PLCXD3: variants seen among roughly 807,000 people sequenced by gnomAD.
The protein encoded by PLCXD3 is PI-PLC X domain-containing protein 3.
PLCXD3 carries 19 observed loss-of-function variants against 25.5 expected under a neutral mutation model. That is an observed-to-expected ratio of 0.75 (90% confidence interval 0.52 to 1.09). The LOEUF (loss-of-function observed/expected upper bound fraction) is 1.09, where lower values mean the gene tolerates loss of function less well. Among genes scored for constraint, PLCXD3 ranks in the 50% least tolerant of loss-of-function variants. The pLI, the probability that PLCXD3 is intolerant of heterozygous loss-of-function variation, is 0.00. For synonymous variants in PLCXD3, 174 were observed against 137.6 expected, an observed-to-expected ratio of 1.26 and a Z score of -1.85; for missense variants, 411 against 388.1, an observed-to-expected ratio of 1.06 and a Z score of -0.50.
intron 1 of PLCXD3, among the ~76,000 whole-genome samples, chr5:41,384,348 A>G (rs889986962): frequency 6.6e-6 from 1 of 152,138 alleles, no homozygotes; most frequent in Non-Finnish European, 1.5e-5. Context: ...AAAACTCAAT[A>G]TATACAAAGA....
At chr5:41,363,820 G>A (rs891129155) in intron 2 of PLCXD3, among the ~76,000 whole-genome samples, 6 of 152,232 alleles carry the variant, frequency 3.9e-5, no homozygotes, top group African/African-American at 1.2e-4. Context: ...GGATAAATGA[G>A]TAAATTCCCA....
intron 2 of PLCXD3, among the ~76,000 whole-genome samples, chr5:41,334,885 ATG>A (rs1743935298): frequency 6.6e-6 from 1 of 152,170 alleles, no homozygotes; most frequent in Admixed American, 6.5e-5. Context: ...CCAGCCCTTG[ATG>A]GGGGCCTCCT....
intron 2 of PLCXD3, among the ~76,000 whole-genome samples, chr5:41,364,331 G>T (rs1473056377): frequency 1.3e-5 from 2 of 152,208 alleles, no homozygotes; most frequent in Admixed American, 6.5e-5. Flanking sequence ...TACAATCAGT[G>T]TTAAGACCCC....
intron 2 of PLCXD3, among the ~76,000 whole-genome samples, chr5:41,329,089 A>T (rs1743714524): frequency 6.6e-6 from 1 of 151,952 alleles, no homozygotes; most frequent in Non-Finnish European, 1.5e-5. Flanking sequence ...GACCAGCCTA[A>T]TTTTCCCCAG....
chr5:41,421,485 A>G (rs1419677596), intron 1 of PLCXD3, among the ~76,000 whole-genome samples: 2 of 151,974 alleles, frequency 1.3e-5, no homozygotes, highest in African/African-American at 4.8e-5. Context: ...GCTGATCACA[A>G]GGTCAGGATA....
At chr5:41,332,034 C>T (rs1743829383) in intron 2 of PLCXD3, among the ~76,000 whole-genome samples, 1 of 152,156 alleles carries the variant, frequency 6.6e-6, no homozygotes, top group Non-Finnish European at 1.5e-5. Context: ...TAGGCATGAG[C>T]AAGGACTTCA....
rs142700550 is a variant in PLCXD3, at chr5:41,427,152, T to G, written c.104-44618A>C. Among the ~76,000 whole-genome samples the G allele has an allele frequency of 3.3e-4, 51 of 152,302 alleles. No individual in the cohort carries two copies. The East Asian group carries it at 6.2e-3, about 18-fold the overall frequency. On this transcript the variant is annotated intron_variant, in intron 1 of 2. Coordinates refer to ENST00000377801, the MANE Select transcript of PLCXD3 (RefSeq NM_001005473.3). ...GTTATTCAATATGACAATTCATGTT[T>G]CTAATTAAATCTGGAAAATTTTCAG...
intron 1 of PLCXD3, among the ~76,000 whole-genome samples, chr5:41,449,105 A>T (rs1415566229): frequency 1.3e-5 from 2 of 152,098 alleles, no homozygotes; most frequent in African/African-American, 4.8e-5. Flanking sequence ...ATTACATTTC[A>T]CCATTTACTC....
chr5:41,385,329 G>C (rs1745603615), intron 1 of PLCXD3, among the ~76,000 whole-genome samples: 1 of 151,898 alleles, frequency 6.6e-6, no homozygotes, highest in African/African-American at 2.4e-5. Context: ...CTCATATCTT[G>C]GACCTGGTAC....
At chr5:41,348,378 G>GTTT (rs1282014109) in intron 2 of PLCXD3, among the ~76,000 whole-genome samples, 4 of 152,086 alleles carry the variant, frequency 2.6e-5, no homozygotes, top group African/African-American at 9.7e-5. Flanking sequence ...TGTTGTTGTT[G>GTTT]TTGTCTTTGT....
rs571691059 is a variant in PLCXD3 at position 41,440,692 on chromosome 5, G to A, written c.104-58158C>T. Among the ~76,000 whole-genome samples the A allele has an allele frequency of 1.4e-4, 22 of 152,210 alleles. 1 individual carries two copies. The highest frequency in any genetic ancestry group is 5.3e-4 in the African/African-American group (22 of 41,506). On this transcript the variant is annotated intron_variant, in intron 1 of 2. Transcript: ENST00000377801. ...GTACTCTATGGGTGTTAGCTATTAT[G>A]ATTCTGATTTGGACCCTTTTCTGAT...
rs530380423 is a variant in PLCXD3, at chr5:41,413,613, A to G, written c.104-31079T>C. On this transcript the variant is annotated intron_variant, in intron 1 of 2. Coordinates refer to ENST00000377801, the MANE Select transcript of PLCXD3 (RefSeq NM_001005473.3). ...TTCCATTATTTGTTTCTAACAGTCA[A>G]TGTGCTTGAATTACAGGAGATATGG... Among the ~76,000 whole-genome samples the G allele has an allele frequency of 2.2e-4, 33 of 152,322 alleles. No homozygotes were observed. In the South Asian group the frequency reaches 6.2e-3, roughly 29 times the overall value.
chr5:41,409,053 G>A (rs1463571185), intron 1 of PLCXD3, among the ~76,000 whole-genome samples: 1 of 152,208 alleles, frequency 6.6e-6, no homozygotes, highest in Non-Finnish European at 1.5e-5. Context: ...AGTGAACCCA[G>A]TTGCTTGTGT....
At chr5:41,391,404 T>A (rs1381303972) in intron 1 of PLCXD3, among the ~76,000 whole-genome samples, 7 of 152,162 alleles carry the variant, frequency 4.6e-5, no homozygotes, top group Non-Finnish European at 1.0e-4. Flanking sequence ...GTCAGAGTCA[T>A]GAGGTCCCCA....
intron 2 of PLCXD3, among the ~76,000 whole-genome samples, chr5:41,370,740 C>G (rs16871298): frequency 0.014 from 2,094 of 152,166 alleles, 52 homozygotes; most frequent in African/African-American, 0.048. Context: ...TGCAAACAAG[C>G]CCAAGAAAAA....
At position 41,353,861 on chromosome 5, in the gene PLCXD3, ACT is replaced by A. The variant is rs1300171761; in HGVS notation, c.812+27963_812+27964del. Among the ~76,000 whole-genome samples, 6 of 152,098 alleles carry A rather than the reference ACT, an allele frequency of 3.9e-5. 1 individual carries two copies. The highest frequency in any genetic ancestry group is 1.2e-4 in the African/African-American group (5 of 41,484). On this transcript the variant is annotated intron_variant, in intron 2 of 2. Transcript: ENST00000377801. ...TATTTCTCTACTGTGGGTATCAATG[ACT>A]CTGAATTTTCTACTGAACTACAGAT...
intron 1 of PLCXD3, among the ~76,000 whole-genome samples, chr5:41,474,234 G>C (rs1039002219): frequency 5.3e-5 from 8 of 152,150 alleles, no homozygotes; most frequent in Admixed American, 5.2e-4. Context: ...GGGAGGAGGA[G>C]GTAACTGGTA....
At chr5:41,456,946 G>A (rs1475899604) in intron 1 of PLCXD3, among the ~76,000 whole-genome samples, 3 of 151,888 alleles carry the variant, frequency 2.0e-5, no homozygotes, top group African/African-American at 7.2e-5. Flanking sequence ...AGACCATTAA[G>A]AAAGATCATT....
At chr5:41,393,443 C>A (rs763036922) in intron 1 of PLCXD3, among the ~76,000 whole-genome samples, 2 of 152,100 alleles carry the variant, frequency 1.3e-5, no homozygotes, top group Non-Finnish European at 2.9e-5. Context: ...AAAGCTTTTA[C>A]CCTAGAATAG....
Sources: gnomAD v4.1 joint callset for allele counts (sites outside exome capture counted in the v4.1 genomes callset) on GRCh38, gnomAD v4.1.1 for gene constraint, MANE v1.5 for transcripts, NCBI Gene and HGNC (gene_info 2026-07-23, HGNC 2026-07-21) for gene names.